SENP1: variants seen among roughly 807,000 people sequenced by gnomAD.
The protein encoded by SENP1 is sentrin-specific protease 1.
In SENP1, 21 loss-of-function variants were observed where a neutral mutation model predicts 93.0. That is an observed-to-expected ratio of 0.23 (90% CI 0.16 to 0.33). The LOEUF is 0.33. SENP1 is among the 10% of genes least tolerant of loss of function. The pLI is 1.00. For missense variants in SENP1, 591 were observed against 758.7 expected (o/e 0.78, Z 2.60); for synonymous variants, 256 against 259.6 (o/e 0.99, Z 0.13).
chr12:48,053,896 A>ACTGGTAAT (rs1942012348), intron 13 of SENP1, among the ~76,000 whole-genome samples: 1 of 152,174 alleles, frequency 6.6e-6, no homozygotes, highest in Non-Finnish European at 1.5e-5. Flanking sequence ...ATTGGAAACA[A>ACTGGTAAT]CTGGTAATAA....
intron 5 of SENP1, among the ~76,000 whole-genome samples, chr12:48,084,480 TG>T (rs1944706153): frequency 7.2e-6 from 1 of 137,948 alleles, no homozygotes; most frequent in African/African-American, 2.6e-5. Context: ...GATGGAATCT[TG>T]CTCTGTCACT....
In SENP1 at chr12:48,045,282, G is replaced by C. The variant is rs1320610284; in HGVS notation, c.*40C>G. 1 of 1,556,664 alleles carries C rather than the reference G, an allele frequency of 6.4e-7. No homozygotes were observed. The highest frequency in any genetic ancestry group is 8.9e-7 in the Non-Finnish European group (1 of 1,128,726). The stretch of plus-strand genomic sequence containing the variant: ...CTCTGGCTGTAGACAACAAAGAGCT[G>C]GTCCCCCACATGGTCAAGGTCTGCT... On this transcript the variant is annotated 3_prime_UTR_variant, in exon 18 of 18. Coordinates refer to ENST00000549518, the MANE Select transcript of SENP1 (RefSeq NM_001267594.2).
chr12:48,100,488 G>A (rs554675119), intron 2 of SENP1, among the ~76,000 whole-genome samples: 33 of 151,364 alleles, frequency 2.2e-4, no homozygotes, highest in Middle Eastern at 3.4e-3. Context: ...AAAATTAGCC[G>A]GACTTGGCGG....
At chr12:48,063,616 C>T (rs1019608846) in intron 13 of SENP1, 94 bp downstream of exon 13, 6 of 1,276,902 alleles carry the variant, frequency 4.7e-6, no homozygotes, top group African/African-American at 1.5e-5. Flanking sequence ...GCAGGTCATC[C>T]ATGGACCACA....
intron 6 of SENP1, among the ~76,000 whole-genome samples, chr12:48,078,147 T>C (rs1466125579): frequency 2.6e-5 from 4 of 151,428 alleles, no homozygotes; most frequent in Non-Finnish European, 5.9e-5. Flanking sequence ...CTTGGTTAAA[T>C]TTGATTGGTT....
chr12:48,094,937 T>G (rs911731271), intron 4 of SENP1, among the ~76,000 whole-genome samples: 1 of 152,156 alleles, frequency 6.6e-6, no homozygotes, highest in African/African-American at 2.4e-5. Flanking sequence ...TATTGACCTA[T>G]CAAACCAGAT....
At chr12:48,103,673 A>T (rs201828750) in intron 1 of SENP1, among the ~76,000 whole-genome samples, 6 of 9,200 alleles carry the variant, frequency 6.5e-4, no homozygotes, top group East Asian at 1.9e-3. Flanking sequence ...TTTTCTTTTT[A>T]AAAAAAATGA....
intron 4 of SENP1, 108 bp from the exon 5 acceptor site, chr12:48,089,068 A>T (rs1333886839): frequency 6.5e-7 from 1 of 1,538,422 alleles, no homozygotes; most frequent in Admixed American, 1.9e-5. Context: ...GCATGTCACC[A>T]TTTCTCTCAT....
At chr12:48,082,305 G>A (rs1592415365) in intron 6 of SENP1, among the ~76,000 whole-genome samples, 1 of 152,154 alleles carries the variant, frequency 6.6e-6, no homozygotes, top group African/African-American at 2.4e-5. Flanking sequence ...TATTTAGCAG[G>A]TAATGCTGTA....
intron 2 of SENP1, among the ~76,000 whole-genome samples, chr12:48,100,412 C>T (rs1251754889): frequency 1.3e-5 from 2 of 152,174 alleles, no homozygotes; most frequent in Non-Finnish European, 2.9e-5. Context: ...AGGCGGATCA[C>T]GTGAGGTCAG....
chr12:48,099,371 A>T (rs569295773), intron 2 of SENP1, among the ~76,000 whole-genome samples: 1 of 152,070 alleles, frequency 6.6e-6, no homozygotes, highest in South Asian at 2.1e-4. Flanking sequence ...CAAACAAAAA[A>T]CAAAAATGCT....
chr12:48,053,671 ATC>A (rs1172990109), intron 13 of SENP1, among the ~76,000 whole-genome samples: 1 of 152,124 alleles, frequency 6.6e-6, no homozygotes, highest in East Asian at 1.9e-4. Context: ...GCTGAGAGAT[ATC>A]TCTTTCTTTT....
intron 2 of SENP1, among the ~76,000 whole-genome samples, chr12:48,099,925 C>G (rs1196396519): frequency 6.6e-6 from 1 of 152,128 alleles, no homozygotes; most frequent in Non-Finnish European, 1.5e-5. Context: ...ACTTCAGAAC[C>G]ATTTTTGATA....
intron 2 of SENP1, chr12:48,099,137 T>G (rs1945753477): frequency 1.3e-5 from 2 of 151,562 alleles, no homozygotes; most frequent in African/African-American, 4.9e-5. Flanking sequence ...GCCTGGGAAA[T>G]AAGGCAAAAT....
At chr12:48,091,833 C>T (rs1411751110) in intron 4 of SENP1, among the ~76,000 whole-genome samples, 1 of 151,942 alleles carries the variant, frequency 6.6e-6, no homozygotes, top group African/African-American at 2.4e-5. Flanking sequence ...TACACGTTAC[C>T]ATGTCCAGGT....
intron 6 of SENP1, among the ~76,000 whole-genome samples, chr12:48,082,729 GAATT>G (rs1401015189): frequency 3.9e-5 from 6 of 152,086 alleles, no homozygotes; most frequent in Admixed American, 3.9e-4. Context: ...TAGGTTTACT[GAATT>G]AATATAACAA....
chr12:48,079,209 A>G (rs1592402064), intron 6 of SENP1, among the ~76,000 whole-genome samples: 1 of 152,198 alleles, frequency 6.6e-6, no homozygotes, highest in South Asian at 2.1e-4. Flanking sequence ...ACTGAATAAG[A>G]AAATTAGGGG....
intron 13 of SENP1, among the ~76,000 whole-genome samples, chr12:48,060,477 A>G (rs1304174812): frequency 6.6e-6 from 1 of 152,222 alleles, no homozygotes; most frequent in Non-Finnish European, 1.5e-5. Flanking sequence ...AGGAATTAAT[A>G]CATAGTTTCT....
intron 13 of SENP1, among the ~76,000 whole-genome samples, chr12:48,054,112 C>T (rs1942034983): frequency 6.6e-6 from 1 of 152,140 alleles, no homozygotes; most frequent in Non-Finnish European, 1.5e-5. Context: ...AGGAAGTGTT[C>T]CTGGTGTACA....
Sources: allele counts gnomAD v4.1 joint callset (sites outside exome capture counted in the v4.1 genomes callset), GRCh38; gene constraint gnomAD v4.1.1; transcripts MANE v1.5; gene names NCBI Gene and HGNC (gene_info 2026-07-23, HGNC 2026-07-21).